LSMEM1: variants seen among roughly 807,000 people sequenced by gnomAD.
The protein encoded by LSMEM1 is leucine-rich single-pass membrane protein 1.
Under a neutral mutation model 11.3 loss-of-function variants are expected in LSMEM1, and 10 were observed. The ratio of observed to expected loss-of-function variants is 0.89; its 90% CI spans 0.55 to 1.50. The LOEUF is 1.50. Among genes scored for constraint, LSMEM1 ranks in the 40% most tolerant of loss-of-function variants. The pLI is 0.00. For synonymous variants in LSMEM1, 65 were observed against 59.3 expected (o/e 1.10, Z -0.44); for missense variants, 151 against 152.9 (o/e 0.99, Z 0.06).
At chr7:112,480,576 T>G (rs1420940404), upstream of LSMEM1, among the ~76,000 whole-genome samples, 2 of 152,170 alleles carry the variant, frequency 1.3e-5, no homozygotes, top group Non-Finnish European at 2.9e-5. Context: ...AGAAGCTCCT[T>G]GGCATGTATG....
chr7:112,490,409 A>G lies in LSMEM1; in HGVS notation c.*460A>G, dbSNP rs1383797273. The G allele has an allele frequency of 6.5e-6, 1 of 153,456 alleles. No homozygotes were observed. The highest frequency in any genetic ancestry group is 1.9e-4 in the East Asian group (1 of 5,220). The allele number at this position is 153,456 out of a possible 1,614,324, so 9.5% of individuals were successfully genotyped here. On this transcript the variant is annotated 3_prime_UTR_variant, in exon 4 of 4. Transcript: ENST00000312849. ...AGGGAACCAGGTGATTACTCTTTTC[A>G]ATAAGAGGGATTCTGCTCAGGTGAT...
rs552505120 is a variant in LSMEM1 at position 112,490,933 on chromosome 7, C to T, written c.*984C>T. 1.3e-5 allele frequency: 2 copies of T among 152,110 alleles called. No individual in the cohort carries two copies. The highest frequency in any genetic ancestry group is 1.9e-4 in the East Asian group (1 of 5,184). 9.4% of individuals were successfully genotyped at this position (152,110 alleles called of 1,614,324 possible). On this transcript the variant is annotated 3_prime_UTR_variant, in exon 4 of 4. Transcript: ENST00000312849. Reference sequence around the variant, plus strand: ...TTTATTTAATATAAAAATATTCTACCGGTCAATTGAAGAATGTATTATGAT... The same window carrying T: ...TTTATTTAATATAAAAATATTCTACTGGTCAATTGAAGAATGTATTATGAT...
chr7:112,486,866 C>T, intron 2 of LSMEM1, 57 bp from the exon 3 acceptor site: 2 of 1,608,178 alleles, frequency 1.2e-6, no homozygotes, highest in African/African-American at 1.3e-5. Flanking sequence ...TTCAGTTCTG[C>T]TGACAAGTTG....
At chr7:112,484,763 G>A (rs1796095304) in intron 1 of LSMEM1, 49 bp from the exon 2 acceptor site, 5 of 1,586,848 alleles carry the variant, frequency 3.2e-6, no homozygotes, top group Non-Finnish European at 4.3e-6. Context: ...TTGTGAAGTT[G>A]AGTTCACAAG....
chr7:112,486,719 T>A, intron 2 of LSMEM1: 1 of 519,006 alleles, frequency 1.9e-6, no homozygotes, highest in Non-Finnish European at 3.2e-6. Flanking sequence ...GAGGTTGCAG[T>A]GAGCCGAGAT....
rs1796023758 is a variant in LSMEM1 at position 112,481,098 on chromosome 7, A to G, written c.-254A>G. ...GTAATATATTTACTAAAAACCTTAG[A>G]CATTATGAAAAAAGTCAGGATTTGG... On this transcript the variant is annotated 5_prime_UTR_variant, in exon 1 of 4. Transcript: ENST00000312849. The G allele has an allele frequency of 9.0e-6, 3 of 332,448 alleles. No individual in the cohort carries two copies. Among genetic ancestry groups the G allele is most frequent in the Non-Finnish European group, 1.8e-5 (3 of 170,334 alleles). 20.6% of individuals were successfully genotyped at this position (332,448 alleles called of 1,614,324 possible).
intron 2 of LSMEM1, among the ~76,000 whole-genome samples, chr7:112,485,798 A>G (rs1584514907): frequency 6.6e-6 from 1 of 151,992 alleles, no homozygotes; most frequent in Non-Finnish European, 1.5e-5. Context: ...GACATAAGCC[A>G]CCCATCTGTC....
At chr7:112,485,017 A>T in intron 2 of LSMEM1, 74 bp downstream of exon 2, 976 of 1,215,956 alleles carry the variant, frequency 8.0e-4, no homozygotes, top group Non-Finnish European at 9.4e-4. Flanking sequence ...TGCTGACTGG[A>T]TGTGTGGGTG....
At chr7:112,482,399 A>G (rs1033450956) in intron 1 of LSMEM1, among the ~76,000 whole-genome samples, 1 of 152,188 alleles carries the variant, frequency 6.6e-6, no homozygotes, top group Non-Finnish European at 1.5e-5. Context: ...TTTTGTAAAC[A>G]TTGATTAAGC....
At chr7:112,483,421 A>T (rs549172542) in intron 1 of LSMEM1, 1 of 152,200 alleles carries the variant, frequency 6.6e-6, no homozygotes, top group African/African-American at 2.4e-5. Context: ...CAGGTGTTCC[A>T]TCTTAACATA....
intron 3 of LSMEM1, 137 bp downstream of exon 3, chr7:112,487,188 GC>G: frequency 9.5e-7 from 1 of 1,048,386 alleles, no homozygotes; most frequent in Middle Eastern, 3.0e-4. Flanking sequence ...AAGAAGGAAT[GC>G]CTTGAGTGAA....
chr7:112,483,135 A>C (rs1310738997), intron 1 of LSMEM1, among the ~76,000 whole-genome samples: 1 of 143,592 alleles, frequency 7.0e-6, no homozygotes, highest in Non-Finnish European at 1.5e-5. Context: ...TTAGGTGTAT[A>C]CTTTTTTTTT....
At chr7:112,483,649 C>A (rs1350396547) in intron 1 of LSMEM1, 2 of 152,156 alleles carry the variant, frequency 1.3e-5, no homozygotes, top group African/African-American at 4.8e-5. Context: ...TGAGCTGAGT[C>A]TTGAGGCAGG....
intron 1 of LSMEM1, among the ~76,000 whole-genome samples, chr7:112,482,961 A>C (rs546983125): frequency 6.6e-6 from 1 of 152,180 alleles, no homozygotes; most frequent in African/African-American, 2.4e-5. Flanking sequence ...AAAAATTTTT[A>C]GTCCATGACT....
chr7:112,486,846 T>C (rs1463933685), intron 2 of LSMEM1, 77 bp from the exon 3 acceptor site: 1 of 1,587,522 alleles, frequency 6.3e-7, no homozygotes, highest in Non-Finnish European at 8.6e-7. Context: ...GGTCTAACAC[T>C]GGGGTACTGT....
At position 112,481,223 on chromosome 7, in the gene LSMEM1, AAG is replaced by A. The variant is rs1796026873; in HGVS notation, c.-123_-122del. 6.3e-6 allele frequency: 1 copy of A among 158,348 alleles called. No individual in the cohort carries two copies. The highest frequency in any genetic ancestry group is 2.4e-5 in the African/African-American group (1 of 41,476). The allele number at this position is 158,348 out of a possible 1,614,324, so 9.8% of individuals were successfully genotyped here. ...AGCACCCGTATGCTGAAGAAAGGCAAAGAGAGAACTACAGAATTTGTAGAAAA... is the reference window on the plus strand; with the variant it reads ...AGCACCCGTATGCTGAAGAAAGGCAAAGAGAACTACAGAATTTGTAGAAAA... On this transcript the variant is annotated 5_prime_UTR_variant, in exon 1 of 4. An upstream open reading frame in the 5' UTR gains an earlier in-frame stop. Transcript: ENST00000312849.
At chr7:112,484,688 A>T (rs1796094226) in intron 1 of LSMEM1, 124 bp from the exon 2 acceptor site, 1 of 924,174 alleles carries the variant, frequency 1.1e-6, no homozygotes, top group Non-Finnish European at 1.6e-6. Flanking sequence ...CTAGAGCCTT[A>T]GTTGAAAATA....
rs186898413 is a variant in LSMEM1, at chr7:112,484,912, C to T, written c.96C>T (p.Asn32=). 11 of 1,613,690 alleles carry T rather than the reference C, an allele frequency of 6.8e-6. No homozygotes were observed. In the East Asian group the frequency reaches 1.8e-4, roughly 26 times the overall value. ...CCATAAATGACTTAAACAAACTAAA[C>T]CTCTGTCCAGCCGGATCGCAGCATC... The part of the protein sequence containing the change: ...VDSINDLNKL[N]LCPAGSQHLF... The change falls in exon 2 of 4, where the codon AAC becomes AAT. Residue 32 remains asparagine, a synonymous_variant. Transcript: ENST00000312849.
At chr7:112,486,275 G>T (rs1372578650) in intron 2 of LSMEM1, 4 of 368,596 alleles carry the variant, frequency 1.1e-5, no homozygotes, top group Admixed American at 6.0e-5. Context: ...AAGGGTAATA[G>T]AACTTCTATC....
Sources: allele counts gnomAD v4.1 joint callset (sites outside exome capture counted in the v4.1 genomes callset), GRCh38; gene constraint gnomAD v4.1.1; transcripts MANE v1.5; gene names NCBI Gene and HGNC (gene_info 2026-07-23, HGNC 2026-07-21).